The following DNAJC17 variants were observed in gnomAD, a reference collection of about 807,000 sequenced individuals.
DNAJC17 encodes the protein DnaJ heat shock protein family (Hsp40) member C17.
DNAJC17 carries 35 observed loss-of-function variants against 48.1 expected under a neutral mutation model. The observed-to-expected ratio is 0.73, with a 90% CI of 0.56 to 0.96. The LOEUF is 0.96. Among genes scored for constraint, DNAJC17 ranks in the 50% least tolerant of loss-of-function variants. The pLI, the probability that DNAJC17 is intolerant of heterozygous loss-of-function variation, is 0.00. For synonymous variants in DNAJC17, 117 were observed against 142.7 expected (o/e 0.82, Z 1.28); for missense variants, 355 against 377.1 (o/e 0.94, Z 0.48).
intron 2 of DNAJC17, 55 bp downstream of exon 2, chr15:40,779,871 AAC>A (rs1401876995): frequency 6.4e-7 from 1 of 1,571,974 alleles, no homozygotes; most frequent in South Asian, 1.1e-5. Context: ...TACATCGGGA[AAC>A]ACAATGCCCG....
In DNAJC17 at chr15:40,776,177, C is replaced by A. The variant is rs369765784; in HGVS notation, c.478+19G>T. ...GGAGCTACCTTGGAGGGGAGATAGG[C>A]GGGGTGATAGACCTGCACCTCTCAA... On this transcript the variant is annotated intron_variant, in intron 6 of 10. Transcript: ENST00000220496. 1.2e-6 allele frequency: 2 copies of A among 1,610,156 alleles called. No individual in the cohort carries two copies. The highest frequency in any genetic ancestry group is 1.7e-6 in the Non-Finnish European group (2 of 1,178,004).
At chr15:40,776,151 T>C (rs906488927) in intron 6 of DNAJC17, 45 bp downstream of exon 6, 5 of 1,592,220 alleles carry the variant, frequency 3.1e-6, no homozygotes, top group Non-Finnish European at 4.3e-6. Context: ...CTGAGCAATC[T>C]GGAGCTACCT....
At chr15:40,772,381 T>C (rs1889173840) in intron 10 of DNAJC17, 1 of 167,180 alleles carries the variant, frequency 6.0e-6, no homozygotes, top group Non-Finnish European at 1.5e-5. Context: ...GTGGCCTCCC[T>C]CTTTCCTCCT....
chr15:40,773,909 G>A, intron 9 of DNAJC17, 72 bp from the exon 10 acceptor site: 1 of 1,349,046 alleles, frequency 7.4e-7, no homozygotes, highest in Non-Finnish European at 1.0e-6. Flanking sequence ...TACCCCCACA[G>A]AGAGAACGGA....
intron 1 of DNAJC17, among the ~76,000 whole-genome samples, chr15:40,804,331 C>A (rs1890149319): frequency 6.6e-6 from 1 of 151,884 alleles, no homozygotes; most frequent in Admixed American, 6.6e-5. Flanking sequence ...GCAATCCCAG[C>A]ACTCTGGGAG....
Position 40,767,774 on chromosome 15 carries a change from G to C in DNAJC17, c.*166C>G. The C allele has an allele frequency of 1.0e-6, 1 of 981,436 alleles. No homozygotes were observed. The highest frequency in any genetic ancestry group is 1.7e-5 in the South Asian group (1 of 57,474). 60.8% of individuals were successfully genotyped at this position (981,436 alleles called of 1,614,324 possible). On this transcript the variant is annotated 3_prime_UTR_variant, in exon 11 of 11. Coordinates refer to ENST00000220496, the MANE Select transcript of DNAJC17 (RefSeq NM_018163.3). Reference sequence around the variant, plus strand: ...TCACCCTGCGGAGCGTTTCCCTGGGGGTCTGCCCACTTCCTGGGAGGGGCG... The same window carrying C: ...TCACCCTGCGGAGCGTTTCCCTGGGCGTCTGCCCACTTCCTGGGAGGGGCG...
Position 40,766,244 on chromosome 15 carries a change from G to C in DNAJC17, c.*1696C>G, listed in dbSNP as rs780719364. 11 of 201,650 alleles carry C rather than the reference G, an allele frequency of 5.5e-5. No homozygotes were observed. Among genetic ancestry groups the C allele is most frequent in the Non-Finnish European group, 8.9e-5 (9 of 101,068 alleles). 12.5% of individuals were successfully genotyped at this position (201,650 alleles called of 1,614,324 possible). On this transcript the variant is annotated 3_prime_UTR_variant, in exon 11 of 11. Transcript: ENST00000220496. ...AGCTGGACCCCATCAAGGACAGACA[G>C]GCACAGAGAGAAAGGTTTTTGTCGT...
Position 40,767,944 on chromosome 15 carries a change from G to C in DNAJC17, c.911C>G (p.Thr304Arg), listed in dbSNP as rs768838891. 3 of 1,612,724 alleles carry C rather than the reference G, an allele frequency of 1.9e-6. No individual in the cohort carries two copies. The highest frequency in any genetic ancestry group is 1.3e-5 in the African/African-American group (1 of 74,816). The change falls in exon 11 of 11, where the codon ACG (threonine) becomes AGG (arginine). Residue 304 changes from threonine (T) to arginine (R), a missense_variant. Coordinates refer to ENST00000220496, the MANE Select transcript of DNAJC17 (RefSeq NM_018163.3). Reference protein sequence around the residue: ...MQQEDQEGPPT With the variant: ...MQQEDQEGPPR ...GGTGGATGGCTGGAGCTGGGGCTAC[G>C]TAGGCGGCCCCTCCTGGTCTTCCTG...
At chr15:40,784,682 G>A (rs929205184) in intron 1 of DNAJC17, among the ~76,000 whole-genome samples, 4 of 152,150 alleles carry the variant, frequency 2.6e-5, no homozygotes, top group Non-Finnish European at 4.4e-5. Flanking sequence ...GCCATCAAAG[G>A]CCAGGTAGAG....
rs1235186692 is a variant in DNAJC17 at position 40,766,649 on chromosome 15, A to G, written c.*1291T>C. ...TTTGTCTGCTTCATGGTCTTTCAGC[A>G]TCAATTAAACCTGACAGAAGGACTA... is the stretch of plus-strand genomic sequence containing the variant. On this transcript the variant is annotated 3_prime_UTR_variant, in exon 11 of 11. Transcript: ENST00000220496. 6.6e-6 allele frequency: 1 copy of G among 152,318 alleles called. No individual in the cohort carries two copies. Among genetic ancestry groups the G allele is most frequent in the Admixed American group, 6.5e-5 (1 of 15,288 alleles). The allele number at this position is 152,318 out of a possible 1,614,324, so 9.4% of individuals were successfully genotyped here.
intron 4 of DNAJC17, 112 bp from the exon 5 acceptor site, chr15:40,776,739 C>T (rs1889338503): frequency 9.9e-7 from 1 of 1,013,354 alleles, no homozygotes; most frequent in Admixed American, 1.8e-5. Flanking sequence ...CGAGATCATA[C>T]AGTAACTCTG....
rs1888987185 is a variant in DNAJC17, at chr15:40,767,810, G to A, written c.*130C>T. 1.5e-6 allele frequency: 2 copies of A among 1,374,206 alleles called. No individual in the cohort carries two copies. The highest frequency in any genetic ancestry group is 9.7e-7 in the Non-Finnish European group (1 of 1,031,074). The allele number at this position is 1,374,206 out of a possible 1,614,324, so 85.1% of individuals were successfully genotyped here. A position where few individuals can be genotyped will look rare whatever the true frequency, so the allele number is the denominator to read the frequency against. On this transcript the variant is annotated 3_prime_UTR_variant, in exon 11 of 11. Transcript: ENST00000220496. ...TTCCTGGGAGGGGCGCCAGGCCTGG[G>A]TGGAGCGCTCTGCGGCAGAGCCCAG...
chr15:40,768,811 G>A (rs533551724), intron 10 of DNAJC17, among the ~76,000 whole-genome samples: 8 of 152,352 alleles, frequency 5.3e-5, no homozygotes, highest in African/African-American at 1.2e-4. Context: ...CCTCGGTGCC[G>A]CTTAGGCTGT....
At chr15:40,774,125 C>A in intron 9 of DNAJC17, 1 of 605,028 alleles carries the variant, frequency 1.7e-6, no homozygotes, top group Non-Finnish European at 2.9e-6. Context: ...CAGCAGGGAG[C>A]AGAGTCAAGT....
chr15:40,770,481 G>A lies in DNAJC17; in HGVS notation c.793-2419C>T, dbSNP rs1297921052. ...GCTGCTCCTGAACACCTGTCTGCTG[G>A]CTCCCCTGGGCCCCATGGAGACCTG... On this transcript the variant is annotated intron_variant, in intron 10 of 10. Transcript: ENST00000220496. The surrounding 1 kb of genome is among the most constrained non-coding windows in gnomAD (Gnocchi z 5.0). 6.5e-7 allele frequency: 1 copy of A among 1,539,862 alleles called. No individual in the cohort carries two copies. Among genetic ancestry groups the A allele is most frequent in the Non-Finnish European group, 8.8e-7 (1 of 1,142,160 alleles).
Position 40,775,578 on chromosome 15 carries a change from T to TC in DNAJC17, c.496dup (p.Glu166GlyfsTer19). On this transcript the variant is annotated frameshift_variant, in exon 7 of 11. Coordinates refer to ENST00000220496, the MANE Select transcript of DNAJC17 (RefSeq NM_018163.3). LOFTEE classifies it high-confidence loss of function. ...CTTTAGTTTGGGGGTTCCTTGGCCT[T>TC]CAGTATTTTCTGCCTTTCCTAGAAA... 6.2e-7 allele frequency: 1 copy of TC among 1,614,016 alleles called. No individual in the cohort carries two copies. The highest frequency in any genetic ancestry group is 8.5e-7 in the Non-Finnish European group (1 of 1,180,014).
chr15:40,782,686 C>T (rs886126533), intron 1 of DNAJC17, among the ~76,000 whole-genome samples: 6 of 152,036 alleles, frequency 3.9e-5, no homozygotes, highest in African/African-American at 1.4e-4. Context: ...GCTTCTACAC[C>T]CAAGTGTGCT....
Position 40,767,742 on chromosome 15 carries a change from G to A in DNAJC17, c.*198C>T. The A allele has an allele frequency of 2.7e-6, 2 of 727,424 alleles. No individual in the cohort carries two copies. The highest frequency in any genetic ancestry group is 4.3e-6 in the Non-Finnish European group (2 of 460,970). The allele number at this position is 727,424 out of a possible 1,614,324, so 45.1% of individuals were successfully genotyped here. A position where few individuals can be genotyped will look rare whatever the true frequency, so the allele number is the denominator to read the frequency against. ...TGTGCTCTGCTTGTGCACGGACTCT[G>A]GGACTCTCACCCTGCGGAGCGTTTC... On this transcript the variant is annotated 3_prime_UTR_variant, in exon 11 of 11. Coordinates refer to ENST00000220496, the MANE Select transcript of DNAJC17 (RefSeq NM_018163.3).
At chr15:40,775,523 A>C (rs375692943) in intron 7 of DNAJC17, 30 bp downstream of exon 7, 80 of 1,612,104 alleles carry the variant, frequency 5.0e-5, no homozygotes, top group Admixed American at 5.0e-5. Context: ...TGTGAGTGTG[A>C]GGTGGCCCAC....
Sources: gnomAD v4.1 joint callset for allele counts (sites outside exome capture counted in the v4.1 genomes callset) on GRCh38, gnomAD v4.1.1 for gene constraint, Gnocchi (gnomAD v3.1) non-coding constraint, MANE v1.5 for transcripts, NCBI Gene and HGNC (gene_info 2026-07-23, HGNC 2026-07-21) for gene names.